AGBL4: variants seen among roughly 807,000 people sequenced by gnomAD.
The protein encoded by AGBL4 is cytosolic carboxypeptidase 6.
In AGBL4, 58 loss-of-function variants were observed where a neutral mutation model predicts 66.4. That is an observed-to-expected ratio of 0.87 (90% CI 0.71 to 1.09). The LOEUF (loss-of-function observed/expected upper bound fraction) is 1.09. Ranked by LOEUF, AGBL4 falls within the 50% of genes least tolerant of loss-of-function variation. The pLI is 0.00. For synonymous variants in AGBL4, 234 were observed against 222.9 expected (o/e 1.05, Z -0.44); for missense variants, 579 against 631.0 (o/e 0.92, Z 0.88).
At chr1:49,328,795 C>T (rs1267298667) in intron 3 of AGBL4, among the ~76,000 whole-genome samples, 1 of 152,198 alleles carries the variant, frequency 6.6e-6, no homozygotes, top group Non-Finnish European at 1.5e-5. Flanking sequence ...AAACCAACTC[C>T]TGTTATCCCA....
chr1:49,274,401 T>C (rs1055305758), intron 3 of AGBL4, among the ~76,000 whole-genome samples: 1 of 152,180 alleles, frequency 6.6e-6, no homozygotes, highest in Admixed American at 6.5e-5. Flanking sequence ...TGTAAAAATG[T>C]ATTATCAATA....
chr1:49,751,371 C>A (rs1248854058), intron 2 of AGBL4, among the ~76,000 whole-genome samples: 1 of 152,054 alleles, frequency 6.6e-6, no homozygotes, highest in Non-Finnish European at 1.5e-5. Flanking sequence ...CTGTTTATGT[C>A]ATGAATTACG....
At chr1:48,806,230 G>A (rs1325149311) in intron 6 of AGBL4, among the ~76,000 whole-genome samples, 1 of 152,114 alleles carries the variant, frequency 6.6e-6, no homozygotes, top group East Asian at 1.9e-4. Flanking sequence ...ACTCTTAGAA[G>A]CCTGAATATT....
chr1:48,906,852 G>A (rs1168257770), intron 5 of AGBL4, among the ~76,000 whole-genome samples: 1 of 152,194 alleles, frequency 6.6e-6, no homozygotes, highest in Non-Finnish European at 1.5e-5. Flanking sequence ...AAGTAAATAA[G>A]TACATTGTAC....
intron 3 of AGBL4, among the ~76,000 whole-genome samples, chr1:49,402,039 G>T (rs1645097514): frequency 6.6e-6 from 1 of 152,010 alleles, no homozygotes; most frequent in Non-Finnish European, 1.5e-5. Context: ...TATCATCTCT[G>T]ATTTTATTTA....
At chr1:49,221,834 T>G (rs1557741496) in intron 4 of AGBL4, among the ~76,000 whole-genome samples, 1 of 152,256 alleles carries the variant, frequency 6.6e-6, no homozygotes, top group South Asian at 2.1e-4. Context: ...CACTTTTTAA[T>G]TTTTAGAGAC....
chr1:49,914,864 C>A (rs891185252), intron 1 of AGBL4, among the ~76,000 whole-genome samples: 1 of 151,956 alleles, frequency 6.6e-6, no homozygotes, highest in South Asian at 2.1e-4. Flanking sequence ...GACAGAAGAG[C>A]AAAAGGGCCC....
chr1:49,029,838 A>T (rs1664060449), intron 5 of AGBL4, among the ~76,000 whole-genome samples: 1 of 152,218 alleles, frequency 6.6e-6, no homozygotes, highest in African/African-American at 2.4e-5. Flanking sequence ...CATATAGATC[A>T]ATAGAATGTA....
chr1:48,536,671 C>T (rs1334776621), intron 12 of AGBL4, among the ~76,000 whole-genome samples: 1 of 152,208 alleles, frequency 6.6e-6, no homozygotes. Flanking sequence ...CATAACCTCA[C>T]CATGGAGCCA....
chr1:49,666,716 T>C (rs1646377489), intron 3 of AGBL4, among the ~76,000 whole-genome samples: 1 of 152,124 alleles, frequency 6.6e-6, no homozygotes. Context: ...GCTTACTATG[T>C]ATTAATCACT....
chr1:49,365,008 G>C (rs980614367), intron 3 of AGBL4, among the ~76,000 whole-genome samples: 1 of 152,174 alleles, frequency 6.6e-6, no homozygotes, highest in East Asian at 1.9e-4. Flanking sequence ...ATATATAAAC[G>C]ATAAGTATAA....
chr1:48,556,055 A>T (rs1018046269), intron 11 of AGBL4, among the ~76,000 whole-genome samples: 3 of 152,080 alleles, frequency 2.0e-5, no homozygotes, highest in African/African-American at 7.2e-5. Context: ...TTATTTTGCT[A>T]TACCGATGTG....
At chr1:49,958,125 G>GT (rs746084061) in intron 1 of AGBL4, among the ~76,000 whole-genome samples, 2 of 151,988 alleles carry the variant, frequency 1.3e-5, no homozygotes, top group Non-Finnish European at 2.9e-5. Flanking sequence ...ATGAAGCTTA[G>GT]TTTGGCTGGA....
chr1:49,149,141 G>A (rs1446975166), intron 4 of AGBL4, among the ~76,000 whole-genome samples: 2 of 152,204 alleles, frequency 1.3e-5, no homozygotes, highest in African/African-American at 4.8e-5. Context: ...ATGGGTGGCA[G>A]CAGGCATCCT....
chr1:48,981,925 G>A (rs1394727497), intron 5 of AGBL4, among the ~76,000 whole-genome samples: 2 of 152,174 alleles, frequency 1.3e-5, no homozygotes, highest in African/African-American at 4.8e-5. Context: ...GCACACAGAA[G>A]AGCGATCAAC....
intron 6 of AGBL4, among the ~76,000 whole-genome samples, chr1:48,691,189 G>A (rs750787691): frequency 9.6e-4 from 140 of 146,374 alleles, no homozygotes; most frequent in Non-Finnish European, 7.5e-4. Flanking sequence ...ATATATGTGT[G>A]TATATATATA....
At chr1:49,004,292 T>A (rs1439407295) in intron 5 of AGBL4, among the ~76,000 whole-genome samples, 1 of 152,046 alleles carries the variant, frequency 6.6e-6, no homozygotes, top group Non-Finnish European at 1.5e-5. Context: ...TTCCCCAAGA[T>A]AGAGTCAGGA....
At chr1:49,433,705 T>G (rs952035937) in intron 3 of AGBL4, among the ~76,000 whole-genome samples, 2 of 152,142 alleles carry the variant, frequency 1.3e-5, no homozygotes, top group Admixed American at 1.3e-4. Context: ...GATTCTACCT[T>G]TTTAGTAGTT....
intron 1 of AGBL4, among the ~76,000 whole-genome samples, chr1:49,957,243 G>A (rs894647846): frequency 1.3e-5 from 2 of 151,970 alleles, no homozygotes; most frequent in Non-Finnish European, 2.9e-5. Flanking sequence ...AATTAAAGCA[G>A]ATCTTTTACA....
Sources: gnomAD v4.1 joint callset for allele counts (sites outside exome capture counted in the v4.1 genomes callset) on GRCh38, gnomAD v4.1.1 for gene constraint, MANE v1.5 for transcripts, NCBI Gene and HGNC (gene_info 2026-07-23, HGNC 2026-07-21) for gene names.